Variants in GPR89B observed in about 807,000 individuals in gnomAD.
GPR89B encodes the protein golgi pH regulator B, also known as G protein-coupled receptor 89B.
GPR89B carries 25 observed loss-of-function variants against 52.4 expected under a neutral mutation model. The ratio of observed to expected loss-of-function variants is 0.48; its 90% CI spans 0.35 to 0.67. The LOEUF (loss-of-function observed/expected upper bound fraction) is 0.67, where lower values mean the gene tolerates loss of function less well. Ranked by LOEUF, GPR89B falls within the 30% of genes least tolerant of loss-of-function variation. GPR89B has a pLI of 0.01. For missense variants in GPR89B, 146 were observed against 450.2 expected (o/e 0.32, Z 6.11); for synonymous variants, 52 against 151.2 (o/e 0.34, Z 4.81).
At chr1:147,991,876 G>A (rs1276509887) in intron 12 of GPR89B, among the ~76,000 whole-genome samples, 3 of 151,754 alleles carry the variant, frequency 2.0e-5, no homozygotes, top group Admixed American at 6.6e-5. Flanking sequence ...TTTTTGCATC[G>A]ATGTTCATCA....
At chr1:147,933,068 A>G (rs1289427451) in intron 1 of GPR89B, among the ~76,000 whole-genome samples, 2 of 152,204 alleles carry the variant, frequency 1.3e-5, no homozygotes, top group Non-Finnish European at 2.9e-5. Context: ...AATGCTCAAT[A>G]AAAGTTACCT....
chr1:147,943,778 T>G (rs1654743818), intron 4 of GPR89B, among the ~76,000 whole-genome samples: 1 of 152,134 alleles, frequency 6.6e-6, no homozygotes, highest in South Asian at 2.1e-4. Context: ...TTTTTCTACC[T>G]ATTAATAATG....
the GPR89B span, among the ~76,000 whole-genome samples, chr1:148,024,888 C>T: frequency 1.3e-5 from 2 of 152,106 alleles, no homozygotes; most frequent in South Asian, 4.1e-4. Flanking sequence ...GCAGCACATG[C>T]TATTTTCTCA....
intron 10 of GPR89B, among the ~76,000 whole-genome samples, chr1:147,979,438 T>G (rs1571306636): frequency 2.0e-5 from 3 of 152,154 alleles, no homozygotes. Flanking sequence ...TGAATAGAAG[T>G]GGTAGGATTA....
Position 147,993,085 on chromosome 1 carries a change from G to C in GPR89B, c.*168G>C, listed in dbSNP as rs1659181192. On this transcript the variant is annotated 3_prime_UTR_variant, in exon 14 of 14. Coordinates refer to ENST00000314163, the MANE Select transcript of GPR89B (RefSeq NM_016334.5). ...CCCCCTCAGGTGATACTATGACCAT[G>C]AGTAGCATCAGCCAGAACATGAGAG... 6.5e-7 allele frequency: 1 copy of C among 1,542,158 alleles called. No individual in the cohort carries two copies. The highest frequency in any genetic ancestry group is 8.7e-7 in the Non-Finnish European group (1 of 1,146,876).
At chr1:147,986,162 T>G (rs1196711807) in intron 10 of GPR89B, 37 bp from the exon 11 acceptor site, 1 of 1,610,088 alleles carries the variant, frequency 6.2e-7, no homozygotes, top group African/African-American at 1.3e-5. Flanking sequence ...TAAGTGATTG[T>G]TAAGATGCTC....
Position 147,993,038 on chromosome 1 carries a change from T to C in GPR89B, c.*121T>C. ...AAACAAAATGCTATGGTAGCATTTT[T>C]CACCTTCATAGCATACTCCTTCCCC... On this transcript the variant is annotated 3_prime_UTR_variant, in exon 14 of 14. Transcript: ENST00000314163. 1 of 1,574,736 alleles carries C rather than the reference T, an allele frequency of 6.4e-7. No individual in the cohort carries two copies. The highest frequency in any genetic ancestry group is 1.2e-5 in the South Asian group (1 of 84,544).
intron 10 of GPR89B, among the ~76,000 whole-genome samples, chr1:147,982,910 T>C (rs1252288567): frequency 6.6e-5 from 10 of 152,146 alleles, no homozygotes; most frequent in Non-Finnish European, 1.2e-4. Flanking sequence ...TTGAAGCAAT[T>C]GTGAATGGGA....
intron 3 of GPR89B, among the ~76,000 whole-genome samples, chr1:147,940,402 C>CA (rs1654465243): frequency 1.3e-5 from 2 of 150,992 alleles, no homozygotes; most frequent in South Asian, 4.2e-4. Context: ...GACTCCATCT[C>CA]AAAAAAATAA....
At chr1:147,951,697 C>T (rs1553251092) in intron 5 of GPR89B, among the ~76,000 whole-genome samples, 1 of 151,964 alleles carries the variant, frequency 6.6e-6, no homozygotes, top group Non-Finnish European at 1.5e-5. Context: ...ACTTCTAGTT[C>T]CAAGATGGTG....
intron 7 of GPR89B, among the ~76,000 whole-genome samples, chr1:147,963,655 C>T (rs1477097942): frequency 6.6e-6 from 1 of 152,008 alleles, no homozygotes; most frequent in Non-Finnish European, 1.5e-5. Context: ...CACTACACAC[C>T]TATCAGAATA....
At chr1:147,935,065 A>G (rs1653967261) in intron 1 of GPR89B, among the ~76,000 whole-genome samples, 1 of 152,116 alleles carries the variant, frequency 6.6e-6, no homozygotes, top group Admixed American at 6.5e-5. Flanking sequence ...CACACATTAC[A>G]AAACTGTATG....
At chr1:147,968,274 A>G (rs1396955045) in intron 8 of GPR89B, 274 of 453,854 alleles carry the variant, frequency 6.0e-4, no homozygotes, top group Non-Finnish European at 9.7e-4. Context: ...AGAGGATTTG[A>G]CTTTGCATCT....
chr1:148,006,708 A>G, the GPR89B span, among the ~76,000 whole-genome samples: 1 of 149,328 alleles, frequency 6.7e-6, no homozygotes, highest in African/African-American at 2.5e-5. Context: ...TAATAGAAGC[A>G]CTTTACAGCC....
intron 9 of GPR89B, 116 bp from the exon 10 acceptor site, chr1:147,969,751 G>T: frequency 1.4e-6 from 2 of 1,471,966 alleles, no homozygotes; most frequent in Non-Finnish European, 1.8e-6. Context: ...TAATATTATT[G>T]CAATGTATGG....
intron 5 of GPR89B, among the ~76,000 whole-genome samples, chr1:147,948,914 G>A (rs1366064321): frequency 5.3e-5 from 8 of 152,146 alleles, no homozygotes; most frequent in South Asian, 2.1e-4. Flanking sequence ...GCGGCCTTCC[G>A]CAGTGTTTGT....
downstream of GPR89B, chr1:147,995,639 A>C: frequency 1.2e-6 from 2 of 1,609,068 alleles, no homozygotes; most frequent in Non-Finnish European, 1.7e-6. Flanking sequence ...CTCCACCACT[A>C]TTCCTTCTTT....
chr1:147,970,083 A>G (rs1657303076), intron 10 of GPR89B, 124 bp downstream of exon 10: 2 of 896,252 alleles, frequency 2.2e-6, no homozygotes, highest in East Asian at 5.6e-5. Flanking sequence ...AACAGAGAGC[A>G]TGATCTTCCA....
chr1:147,978,365 C>A (rs1441079012), intron 10 of GPR89B, among the ~76,000 whole-genome samples: 6 of 151,858 alleles, frequency 4.0e-5, no homozygotes, highest in Non-Finnish European at 2.9e-5. Context: ...CTGCTTGCTC[C>A]GTCCTCTGGG....
Sources: allele counts gnomAD v4.1 joint callset (sites outside exome capture counted in the v4.1 genomes callset), GRCh38; gene constraint gnomAD v4.1.1; transcripts MANE v1.5; gene names NCBI Gene and HGNC (gene_info 2026-07-23, HGNC 2026-07-21).